The following NAV1 variants were observed in gnomAD, a reference collection of about 807,000 sequenced individuals.
NAV1 encodes neuron navigator 1, also known as pore membrane and/or filament interacting like protein 3.
In NAV1, 18 loss-of-function variants were observed where a neutral mutation model predicts 175.2. The ratio of observed to expected loss-of-function variants is 0.10; its 90% CI spans 0.07 to 0.15. The LOEUF (loss-of-function observed/expected upper bound fraction) is 0.15, where lower values mean the gene tolerates loss of function less well. Ranked by LOEUF, NAV1 falls within the 10% of genes least tolerant of loss-of-function variation. The probability of loss-of-function intolerance (pLI) is 1.00; values close to 1 mark genes in which losing one functional copy is unlikely to be tolerated. For synonymous variants in NAV1, 897 were observed against 978.7 expected, an observed-to-expected ratio of 0.92 and a Z score of 1.56; for missense variants, 1,731 against 2,436.6, an observed-to-expected ratio of 0.71 and a Z score of 6.10.
chr1:201,572,656 C>T (rs1666580356), intron 1 of NAV1, among the ~76,000 whole-genome samples: 1 of 152,084 alleles, frequency 6.6e-6, no homozygotes, highest in South Asian at 2.1e-4. Flanking sequence ...GCGTGAGCCA[C>T]CGCGCCTGGC....
intron 2 of NAV1, among the ~76,000 whole-genome samples, chr1:201,604,169 C>T (rs1020864071): frequency 1.8e-4 from 28 of 152,332 alleles, no homozygotes; most frequent in African/African-American, 5.8e-4. Context: ...ATCCTCTCAC[C>T]TCAGCCTCCC....
At position 201,810,412 on chromosome 1, in the gene NAV1, G is replaced by T. The variant is rs1678613751; in HGVS notation, c.4562-111G>T. 2 of 1,042,828 alleles carry T rather than the reference G, an allele frequency of 1.9e-6. No homozygotes were observed. Among genetic ancestry groups the T allele is most frequent in the Admixed American group, 5.2e-5 (2 of 38,174 alleles). The allele number at this position is 1,042,828 out of a possible 1,614,324, so 64.6% of individuals were successfully genotyped here. ...CTCTTATGGAACCATGGGGCAAGTG[G>T]CTCTGAGTTTCTTCAGGGGGCTCCT... On this transcript the variant is annotated intron_variant, in intron 23 of 29. Coordinates refer to ENST00000367296, the Ensembl canonical transcript of NAV1. The surrounding 1 kb of genome is among the most constrained non-coding windows in gnomAD (Gnocchi z 6.0).
intron 2 of NAV1, among the ~76,000 whole-genome samples, chr1:201,637,375 A>G (rs1293951699): frequency 6.6e-6 from 1 of 152,178 alleles, no homozygotes; most frequent in African/African-American, 2.4e-5. Context: ...ACATATTCAC[A>G]GTATTTGGCT....
chr1:201,735,333 G>A (rs187040243), intron 3 of NAV1, among the ~76,000 whole-genome samples: 22 of 152,326 alleles, frequency 1.4e-4, no homozygotes, highest in East Asian at 5.8e-4. Flanking sequence ...GAAAATGAGC[G>A]GTTTGAACTA....
chr1:201,767,419 C>A (rs1411976218), intron 3 of NAV1, among the ~76,000 whole-genome samples: 1 of 139,060 alleles, frequency 7.2e-6, no homozygotes, highest in African/African-American at 2.6e-5. Flanking sequence ...CCATTGCACT[C>A]CAGCCTGGGT....
intron 1 of NAV1, among the ~76,000 whole-genome samples, chr1:201,553,403 C>G (rs562025768): frequency 1.4e-4 from 22 of 152,264 alleles, no homozygotes; most frequent in Non-Finnish European, 2.8e-4. Context: ...AGCCAGATTT[C>G]AGGTCTAGAG....
At chr1:201,821,961 C>T (rs2102849193) in exon 30 of NAV1, 1 of 152,688 alleles carries the variant, frequency 6.5e-6, no homozygotes, top group South Asian at 2.1e-4. Flanking sequence ...GCATACCAAC[C>T]TGGATCACTC....
Position 201,740,082 on chromosome 1 carries a change from C to A in NAV1, c.1226+21327C>A. ...ACGGTGAATTTCCCCCGCAGGTAAG[C>A]GCCCCCACCCCCCTGGCCTCACCGC... On this transcript the variant is annotated intron_variant, in intron 3 of 29. Coordinates refer to ENST00000367296, the Ensembl canonical transcript of NAV1. The surrounding 1 kb of genome is among the most constrained non-coding windows in gnomAD (Gnocchi z 4.7). 4 of 1,453,648 alleles carry A rather than the reference C, an allele frequency of 2.8e-6. No homozygotes were observed. The highest frequency in any genetic ancestry group is 3.6e-6 in the Non-Finnish European group (4 of 1,101,308). 90.0% of individuals were successfully genotyped at this position (1,453,648 alleles called of 1,614,324 possible).
intron 3 of NAV1, among the ~76,000 whole-genome samples, chr1:201,751,998 C>T (rs540222807): frequency 4.6e-5 from 7 of 152,220 alleles, no homozygotes; most frequent in East Asian, 1.9e-4. Context: ...CCCATAAAAA[C>T]GAAGGTCTTT....
chr1:201,803,602 T>G, exon 16 of NAV1: 1 of 1,613,304 alleles, frequency 6.2e-7, no homozygotes, highest in Non-Finnish European at 8.5e-7. Context: ...GAACTTCGGA[T>G]CAAGAGACAA....
At chr1:201,620,328 C>G (rs1668124931), upstream of NAV1, among the ~76,000 whole-genome samples, 1 of 152,146 alleles carries the variant, frequency 6.6e-6, no homozygotes, top group Non-Finnish European at 1.5e-5. Flanking sequence ...GCCAATTCAC[C>G]CTTTGAGAAT....
Position 201,770,505 on chromosome 1 carries a change from GGC to G in NAV1, c.1227-9915_1227-9914del, listed in dbSNP as rs1330705978. ...ACTATCACTCTCATCTTAACAACAAGGCTAAGCTGGATAAGCAACAAACATAA... is the reference window on the plus strand; with the variant it reads ...ACTATCACTCTCATCTTAACAACAAGTAAGCTGGATAAGCAACAAACATAA... On this transcript the variant is annotated intron_variant, in intron 3 of 29. Transcript: ENST00000367296. 1.1e-3 allele frequency among the ~76,000 whole-genome samples: 171 copies of G among 152,270 alleles called. 2 individuals carry two copies. Among genetic ancestry groups the G allele is most frequent in the African/African-American group, 3.9e-3 (161 of 41,544 alleles).
At chr1:201,664,327 C>A (rs896010938) in intron 1 of NAV1, among the ~76,000 whole-genome samples, 10 of 152,118 alleles carry the variant, frequency 6.6e-5, no homozygotes, top group Non-Finnish European at 1.3e-4. Flanking sequence ...AGGGACAGAG[C>A]GAGACCATGT....
chr1:201,679,680 G>A (rs1468991842), intron 1 of NAV1, among the ~76,000 whole-genome samples: 1 of 152,214 alleles, frequency 6.6e-6, no homozygotes, highest in Non-Finnish European at 1.5e-5. Flanking sequence ...CTGAGGCAGA[G>A]AGGTTGAGTA....
rs191072842 is a variant in NAV1 at position 201,803,610 on chromosome 1, C to G, written c.3535C>G (p.Gln1179Glu). The G allele has an allele frequency of 1.6e-4, 259 of 1,613,418 alleles. 3 individuals carry two copies. The Middle Eastern group carries it at 2.0e-3, about 12-fold the overall frequency. The change falls in exon 16 of 30, where the codon CAA becomes GAA. Residue 1179 changes from glutamine to glutamate, a missense_variant. Transcript: ENST00000367296. ...GGCCCTAGAACTTCGGATCAAGAGA[C>G]AAAACTCCTCAGATAGCATCTCAAG...
Position 201,810,698 on chromosome 1 carries a change from T to C in NAV1, c.4737T>C (p.Ser1579=), listed in dbSNP as rs756178475. 9.3e-6 allele frequency: 15 copies of C among 1,614,152 alleles called. No homozygotes were observed. The highest frequency in any genetic ancestry group is 1.3e-5 in the Non-Finnish European group (15 of 1,180,002). Residue 1579 remains serine (S), a synonymous_variant, in exon 24 of 30, where the codon TCT becomes TCC. Transcript: ENST00000367296. The surrounding 1 kb of genome is among the most constrained non-coding windows in gnomAD (Gnocchi z 6.0). ...TGGCCGAGTACCTGGTGGAGCGCTC[T>C]GGCCGTGAGGTCACAGAGGGCATCG...
At chr1:201,757,965 G>A (rs942916754) in intron 3 of NAV1, among the ~76,000 whole-genome samples, 19 of 152,146 alleles carry the variant, frequency 1.2e-4, no homozygotes, top group African/African-American at 3.6e-4. Context: ...CCCATCCAAC[G>A]CCCCCAAGAG....
In NAV1 at chr1:201,709,144, CCAA is replaced by C. The variant is rs1407379166; in HGVS notation, c.758-3672_758-3670del. Among the ~76,000 whole-genome samples the C allele has an allele frequency of 1.4e-3, 159 of 117,374 alleles. 1 individual carries two copies. Among genetic ancestry groups the C allele is most frequent in the Middle Eastern group, 4.3e-3 (1 of 232 alleles). 77.0% of individuals were successfully genotyped at this position (117,374 alleles called of 152,430 possible). ...CAGGAGACAGAGTAAGACCCTGTCT[CCAA>C]AAAAAAAAAAAAAACCATTGAACTT... On this transcript the variant is annotated intron_variant, in intron 1 of 29. Transcript: ENST00000367296.
chr1:201,807,923 G>A lies in NAV1; in HGVS notation c.3649-30G>A. On this transcript the variant is annotated intron_variant, in intron 17 of 29. Transcript: ENST00000367296. The surrounding 1 kb of genome is among the most constrained non-coding windows in gnomAD (Gnocchi z 5.4). ...CCCATCCCAGTAGTGGAGTCCTAAT[G>A]TCCCTCTACCTGGATCTGCTTTTTT... 6.2e-7 allele frequency: 1 copy of A among 1,611,350 alleles called. No individual in the cohort carries two copies. Among genetic ancestry groups the A allele is most frequent in the Non-Finnish European group, 8.5e-7 (1 of 1,177,748 alleles).
Sources: gnomAD v4.1 joint callset for allele counts (sites outside exome capture counted in the v4.1 genomes callset) on GRCh38, gnomAD v4.1.1 for gene constraint, Gnocchi (gnomAD v3.1) non-coding constraint, MANE v1.5 for transcripts, NCBI Gene and HGNC (gene_info 2026-07-23, HGNC 2026-07-21) for gene names.